Variants in FBXL4 observed in about 807,000 individuals in gnomAD.
The protein encoded by FBXL4 is F-box/LRR-repeat protein 4.
In FBXL4, 40 loss-of-function variants were observed where a neutral mutation model predicts 58.9. The ratio of observed to expected loss-of-function variants is 0.68; its 90% CI spans 0.53 to 0.88. The LOEUF (loss-of-function observed/expected upper bound fraction) is 0.88. Ranked by LOEUF, FBXL4 falls within the 40% of genes least tolerant of loss-of-function variation. The pLI is 0.00. For missense variants in FBXL4, 676 were observed against 734.4 expected (o/e 0.92, Z 0.92); for synonymous variants, 263 against 265.5 (o/e 0.99, Z 0.09).
In FBXL4 at chr6:98,873,353, T is replaced by G. The variant is rs573981357; in HGVS notation, c.*925A>C. On this transcript the variant is annotated 3_prime_UTR_variant, in exon 10 of 10. Coordinates refer to ENST00000369244, the MANE Select transcript of FBXL4 (RefSeq NM_001278716.2). The stretch of plus-strand genomic sequence containing the variant: ...ATATATATTATCTATAATATGTATA[T>G]ATAATGTGTATATATAATATATATC... 9.3e-4 allele frequency: 138 copies of G among 148,300 alleles called. No homozygotes were observed. The highest frequency in any genetic ancestry group is 3.3e-3 in the African/African-American group (136 of 40,888). The allele number at this position is 148,300 out of a possible 1,614,324, so 9.2% of individuals were successfully genotyped here. A position where few individuals can be genotyped will look rare whatever the true frequency, so the allele number is the denominator to read the frequency against.
At chr6:98,877,467 G>A (rs1375024907) in intron 8 of FBXL4, among the ~76,000 whole-genome samples, 1 of 152,140 alleles carries the variant, frequency 6.6e-6, no homozygotes, top group Non-Finnish European at 1.5e-5. Context: ...TGTTGTTGTT[G>A]TGAAATTATC....
At chr6:98,915,693 G>C (rs1430499998) in intron 5 of FBXL4, among the ~76,000 whole-genome samples, 3 of 152,148 alleles carry the variant, frequency 2.0e-5, no homozygotes, top group African/African-American at 7.2e-5. Flanking sequence ...AGACATAAAC[G>C]TTAGACCTAA....
At chr6:98,888,931 T>A (rs1425309937) in intron 7 of FBXL4, among the ~76,000 whole-genome samples, 1 of 152,222 alleles carries the variant, frequency 6.6e-6, no homozygotes, top group African/African-American at 2.4e-5. Context: ...CAAAACCCAA[T>A]GAATAACTTC....
intron 7 of FBXL4, among the ~76,000 whole-genome samples, chr6:98,887,737 G>A (rs189031790): frequency 5.6e-4 from 86 of 152,300 alleles, no homozygotes; most frequent in Middle Eastern, 3.4e-3. Context: ...AAGATATTGC[G>A]AGATGGAAGT....
At position 98,905,558 on chromosome 6, in the gene FBXL4, T is replaced by C. The variant is rs115763595; in HGVS notation, c.971A>G (p.Asn324Ser). 8.1e-6 allele frequency: 13 copies of C among 1,613,878 alleles called. No homozygotes were observed. Among genetic ancestry groups the C allele is most frequent in the East Asian group, 4.5e-5 (2 of 44,864 alleles). Reference protein sequence around the residue: ...CCDPLQYIHLNLQPYWAKLDD... With the variant: ...CCDPLQYIHLSLQPYWAKLDD... ...TAGTTTTGCCCAGTATGGTTGCAGATTGAGGTGGATGTATTGCAGAGGATC... is the reference window on the plus strand; with the variant it reads ...TAGTTTTGCCCAGTATGGTTGCAGACTGAGGTGGATGTATTGCAGAGGATC... The change falls in exon 6 of 10, where the codon AAT (asparagine) becomes AGT (serine). Residue 324 changes from asparagine (N) to serine (S), a missense_variant. Asn to Ser is a conservative substitution (Grantham distance 46, BLOSUM62 1). Coordinates refer to ENST00000369244, the MANE Select transcript of FBXL4 (RefSeq NM_001278716.2).
intron 4 of FBXL4, among the ~76,000 whole-genome samples, chr6:98,920,175 C>T (rs1178577915): frequency 2.0e-5 from 3 of 152,036 alleles, no homozygotes; most frequent in Non-Finnish European, 4.4e-5. Flanking sequence ...TTGATTAGAA[C>T]ATAAATATTC....
chr6:98,880,682 G>A lies in FBXL4; in HGVS notation c.1318-58C>T, dbSNP rs1306111696. The stretch of plus-strand genomic sequence containing the variant: ...GGAAAGTGAATGAAAGTGAAACAAA[G>A]AGAAGAGGTCAATTAGACATTAAAG... On this transcript the variant is annotated intron_variant, in intron 7 of 9. Transcript: ENST00000369244. The A allele has an allele frequency of 2.1e-6, 3 of 1,424,460 alleles. No homozygotes were observed. In the African/African-American group the frequency reaches 4.2e-5, roughly 20 times the overall value. The allele number at this position is 1,424,460 out of a possible 1,614,324, so 88.2% of individuals were successfully genotyped here.
intron 5 of FBXL4, among the ~76,000 whole-genome samples, chr6:98,906,715 T>C (rs1190262127): frequency 6.6e-6 from 1 of 152,150 alleles, no homozygotes; most frequent in Non-Finnish European, 1.5e-5. Context: ...TCAAATGGTA[T>C]TTCTAGTTCT....
At chr6:98,885,307 G>T (rs1770998967) in intron 7 of FBXL4, among the ~76,000 whole-genome samples, 1 of 152,138 alleles carries the variant, frequency 6.6e-6, no homozygotes, top group African/African-American at 2.4e-5. Flanking sequence ...TCACCATGTT[G>T]GCCAGGATGG....
chr6:98,878,342 AG>A (rs1770726771), intron 8 of FBXL4, among the ~76,000 whole-genome samples: 1 of 152,192 alleles, frequency 6.6e-6, no homozygotes, highest in Admixed American at 6.5e-5. Flanking sequence ...AAAGGTAAAC[AG>A]TTTCTTTGTT....
chr6:98,915,577 C>A (rs941991339), intron 5 of FBXL4, among the ~76,000 whole-genome samples: 34 of 151,462 alleles, frequency 2.2e-4, no homozygotes, highest in African/African-American at 8.2e-4. Flanking sequence ...GGAAAGGATT[C>A]CCTATTTAAT....
intron 1 of FBXL4, among the ~76,000 whole-genome samples, chr6:98,941,585 T>C (rs570497622): frequency 1.3e-5 from 2 of 152,294 alleles, no homozygotes; most frequent in African/African-American, 4.8e-5. Context: ...TTTAAAGATA[T>C]CTACTAGTTG....
At chr6:98,894,971 AC>A (rs898303019) in intron 7 of FBXL4, among the ~76,000 whole-genome samples, 1 of 152,070 alleles carries the variant, frequency 6.6e-6, no homozygotes, top group Non-Finnish European at 1.5e-5. Context: ...GACAATTCTG[AC>A]CCTGCCACAG....
chr6:98,900,757 C>T (rs1771577791), intron 6 of FBXL4, among the ~76,000 whole-genome samples: 1 of 152,020 alleles, frequency 6.6e-6, no homozygotes, highest in South Asian at 2.1e-4. Flanking sequence ...TGTAAATAAC[C>T]CAGTAGCCTG....
intron 5 of FBXL4, among the ~76,000 whole-genome samples, chr6:98,911,231 G>C (rs551484067): frequency 1.3e-5 from 2 of 152,320 alleles, no homozygotes; most frequent in African/African-American, 4.8e-5. Flanking sequence ...TGCCTCTGTA[G>C]GCTCCACCTC....
chr6:98,895,930 A>G (rs938529728), intron 7 of FBXL4, among the ~76,000 whole-genome samples: 1 of 152,202 alleles, frequency 6.6e-6, no homozygotes, highest in African/African-American at 2.4e-5. Flanking sequence ...ATGCTATAAT[A>G]CAATCCATAT....
Position 98,905,587 on chromosome 6 carries a change from G to A in FBXL4, c.942C>T (p.Cys314=), listed in dbSNP as rs1165498850. The A allele has an allele frequency of 4.3e-6, 7 of 1,613,880 alleles. No homozygotes were observed. The highest frequency in any genetic ancestry group is 5.9e-6 in the Non-Finnish European group (7 of 1,179,970). ...AQTCKLLSQH[C]CDPLQYIHLN... ...GGTGGATGTATTGCAGAGGATCACA[G>A]CAATGCTGGCTCAGTAGTTTGCAAG... is the stretch of plus-strand genomic sequence containing the variant. The change falls in exon 6 of 10, where the codon TGC becomes TGT. Residue 314 remains cysteine, a synonymous_variant. Coordinates refer to ENST00000369244, the MANE Select transcript of FBXL4 (RefSeq NM_001278716.2).
intron 2 of FBXL4, among the ~76,000 whole-genome samples, chr6:98,932,723 T>G (rs1773059228): frequency 6.6e-6 from 1 of 151,988 alleles, no homozygotes; most frequent in Non-Finnish European, 1.5e-5. Flanking sequence ...AGGTTCACAG[T>G]GAGATGAAAG....
At chr6:98,908,446 A>G (rs1771899225) in intron 5 of FBXL4, among the ~76,000 whole-genome samples, 2 of 152,200 alleles carry the variant, frequency 1.3e-5, no homozygotes, top group South Asian at 2.1e-4. Flanking sequence ...TTTTTTTCCT[A>G]TTGCAAATAA....
Sources: allele counts gnomAD v4.1 joint callset (sites outside exome capture counted in the v4.1 genomes callset), GRCh38; gene constraint gnomAD v4.1.1; transcripts MANE v1.5; gene names NCBI Gene and HGNC (gene_info 2026-07-23, HGNC 2026-07-21).